The following EFHD1 variants were observed in gnomAD, a reference collection of about 807,000 sequenced individuals.
EFHD1 encodes the protein EF-hand domain-containing protein D1.
EFHD1 carries 10 observed loss-of-function variants against 17.2 expected under a neutral mutation model. The observed-to-expected ratio is 0.58, with a 90% CI of 0.36 to 0.99. The LOEUF is 0.99. Among genes scored for constraint, EFHD1 ranks in the 50% least tolerant of loss-of-function variants. The pLI, the probability that EFHD1 is intolerant of heterozygous loss-of-function variation, is 0.01. For synonymous variants in EFHD1, 153 were observed against 142.0 expected (o/e 1.08, Z -0.55); for missense variants, 310 against 327.5 (o/e 0.95, Z 0.41).
upstream of EFHD1, among the ~76,000 whole-genome samples, chr2:232,632,248 A>C (rs1183295899): frequency 6.6e-6 from 1 of 152,192 alleles, no homozygotes; most frequent in Non-Finnish European, 1.5e-5. Flanking sequence ...AGGAATGTTA[A>C]AGATTTTTAT....
chr2:232,622,840 C>T (rs977591687), intron 1 of EFHD1, among the ~76,000 whole-genome samples: 2 of 152,088 alleles, frequency 1.3e-5, no homozygotes, highest in African/African-American at 4.8e-5. Flanking sequence ...GTGTAAAATA[C>T]ACCCTACATT....
intron 1 of EFHD1, among the ~76,000 whole-genome samples, chr2:232,615,118 T>C (rs1450344809): frequency 6.6e-6 from 1 of 152,044 alleles, no homozygotes; most frequent in African/African-American, 2.4e-5. Context: ...GTCTCCCAAG[T>C]AGAGGGGACT....
intron 1 of EFHD1, among the ~76,000 whole-genome samples, chr2:232,654,402 T>A (rs1336658867): frequency 6.8e-6 from 1 of 147,906 alleles, no homozygotes; most frequent in African/African-American, 2.5e-5. Flanking sequence ...GGATGACTTT[T>A]CTTTTCTTTC....
intron 1 of EFHD1, among the ~76,000 whole-genome samples, chr2:232,626,782 T>C (rs1452588165): frequency 1.3e-5 from 2 of 152,088 alleles, no homozygotes; most frequent in Non-Finnish European, 2.9e-5. Flanking sequence ...TATTCACAGT[T>C]GGGTATTCAG....
chr2:232,639,792 C>T (rs1056552498), intron 1 of EFHD1, among the ~76,000 whole-genome samples: 2 of 152,156 alleles, frequency 1.3e-5, no homozygotes, highest in African/African-American at 2.4e-5. Context: ...ATCCTCAGGG[C>T]ACTGACATCT....
At chr2:232,630,059 C>G (rs1312806444), upstream of EFHD1, among the ~76,000 whole-genome samples, 1 of 152,140 alleles carries the variant, frequency 6.6e-6, no homozygotes, top group Non-Finnish European at 1.5e-5. Flanking sequence ...AAGCGATTCT[C>G]CCACCTCTGC....
Position 232,652,275 on chromosome 2 carries a change from G to T in EFHD1, c.303-10527G>T, listed in dbSNP as rs528986593. Among the ~76,000 whole-genome samples the T allele has an allele frequency of 5.9e-5, 9 of 152,292 alleles. No individual in the cohort carries two copies. In the East Asian group the frequency reaches 1.7e-3, roughly 29 times the overall value. On this transcript the variant is annotated intron_variant, in intron 1 of 3. Coordinates refer to ENST00000264059, the MANE Select transcript of EFHD1 (RefSeq NM_025202.4). ...AGAATCCACAAATATTCAGAAACGT[G>T]ACTCCTATCATTTCTGTCTACATCT...
rs1454314004 is a variant in EFHD1, at chr2:232,681,863, T to C, written c.*144T>C. Reference sequence around the variant, plus strand: ...CCCCGTGCCAGCTCCCGTGCCAGCCTTCATTCCTCCCAGTGTCCAAGCCCC... The same window carrying C: ...CCCCGTGCCAGCTCCCGTGCCAGCCCTCATTCCTCCCAGTGTCCAAGCCCC... On this transcript the variant is annotated 3_prime_UTR_variant, in exon 4 of 4. Transcript: ENST00000264059. The C allele has an allele frequency of 1.5e-6, 2 of 1,314,662 alleles. No homozygotes were observed. The highest frequency in any genetic ancestry group is 2.0e-6 in the Non-Finnish European group (2 of 986,106). 81.4% of individuals were successfully genotyped at this position (1,314,662 alleles called of 1,614,324 possible).
At chr2:232,654,416 C>CTTTTTTTTT (rs539954632) in intron 1 of EFHD1, among the ~76,000 whole-genome samples, 57 of 94,590 alleles carry the variant, frequency 6.0e-4, no homozygotes, top group African/African-American at 7.4e-4. Context: ...TTCTTTCTTT[C>CTTTTTTTTT]TTTTTTTTTT....
intron 1 of EFHD1, among the ~76,000 whole-genome samples, chr2:232,635,441 T>C (rs1469627076): frequency 2.6e-5 from 4 of 151,792 alleles, no homozygotes; most frequent in Non-Finnish European, 5.9e-5. Flanking sequence ...TACCTAAGAG[T>C]GATAAAAAGA....
intron 1 of EFHD1, among the ~76,000 whole-genome samples, chr2:232,634,546 A>T (rs1694278971): frequency 6.6e-6 from 1 of 152,154 alleles, no homozygotes; most frequent in South Asian, 2.1e-4. Flanking sequence ...TTCCTGGAGC[A>T]GGCGCGGCCC....
chr2:232,648,464 C>T (rs1013685009), intron 1 of EFHD1, among the ~76,000 whole-genome samples: 61 of 151,858 alleles, frequency 4.0e-4, no homozygotes, highest in Admixed American at 3.3e-4. Context: ...GGAGGACCCA[C>T]CCAACCAGAG....
At chr2:232,634,467 G>C (rs1479993400) in intron 1 of EFHD1, among the ~76,000 whole-genome samples, 1 of 152,268 alleles carries the variant, frequency 6.6e-6, no homozygotes, top group Non-Finnish European at 1.5e-5. Context: ...GCTGCAGCGC[G>C]GGGTCTGATG....
In EFHD1 at chr2:232,662,869, G is replaced by GC. The variant is rs760712775; in HGVS notation, c.376dup (p.Gln126ProfsTer15). The GC allele has an allele frequency of 4.4e-6, 7 of 1,593,346 alleles. No homozygotes were observed. Among genetic ancestry groups the GC allele is most frequent in the East Asian group, 2.4e-5 (1 of 42,530 alleles). ...GAAGCTGATGATGGAGAAGCTGGGGGCCCCCCAGACCCACCTGGGCCTGAA... is the reference window on the plus strand; with the variant it reads ...GAAGCTGATGATGGAGAAGCTGGGGGCCCCCCCAGACCCACCTGGGCCTGAA... On this transcript the variant is annotated frameshift_variant, in exon 2 of 4. Transcript: ENST00000264059. LOFTEE classifies it high-confidence loss of function.
At chr2:232,680,260 G>A (rs774492112) in intron 3 of EFHD1, among the ~76,000 whole-genome samples, 2 of 151,100 alleles carry the variant, frequency 1.3e-5, no homozygotes, top group Non-Finnish European at 2.9e-5. Flanking sequence ...GGACAACAGA[G>A]TGAGACTCTG....
At chr2:232,657,870 G>T (rs1363926446) in intron 1 of EFHD1, among the ~76,000 whole-genome samples, 4 of 135,978 alleles carry the variant, frequency 2.9e-5, no homozygotes, top group Non-Finnish European at 4.8e-5. Context: ...GTAATTCTTT[G>T]TTTAGGACCT....
chr2:232,616,731 G>T (rs1693934575), intron 1 of EFHD1, among the ~76,000 whole-genome samples: 1 of 152,180 alleles, frequency 6.6e-6, no homozygotes, highest in Non-Finnish European at 1.5e-5. Flanking sequence ...AATTTTACAG[G>T]ATACAAAAGC....
At position 232,623,131 on chromosome 2, in the gene EFHD1, C is replaced by T. The variant is rs555706983; in HGVS notation, c.14+16958C>T. On this transcript the variant is annotated intron_variant, in intron 1 of 3. Coordinates refer to the EFHD1 transcript ENST00000409613. The stretch of plus-strand genomic sequence containing the variant: ...GCACGATCAGGGCTCACTACAGCCT[C>T]GACCTCCTGGGCTCAAACGATCCTC... 3.9e-5 allele frequency among the ~76,000 whole-genome samples: 6 copies of T among 152,254 alleles called. 1 individual carries two copies. The highest frequency in any genetic ancestry group is 1.4e-4 in the African/African-American group (6 of 41,562).
At chr2:232,618,190 T>C (rs985718347) in intron 1 of EFHD1, among the ~76,000 whole-genome samples, 7 of 151,572 alleles carry the variant, frequency 4.6e-5, no homozygotes, top group South Asian at 4.2e-4. Flanking sequence ...CGGATAATTT[T>C]TGTACTTTTA....
Sources: allele counts gnomAD v4.1 joint callset (sites outside exome capture counted in the v4.1 genomes callset), GRCh38; gene constraint gnomAD v4.1.1; transcripts MANE v1.5; gene names NCBI Gene and HGNC (gene_info 2026-07-23, HGNC 2026-07-21).